The following AFG1L variants were observed in gnomAD, a reference collection of about 807,000 sequenced individuals.
AFG1L encodes the protein AFG1 like ATPase.
A neutral mutation model predicts 62.2 loss-of-function variants in AFG1L; 53 were observed. The observed-to-expected ratio is 0.85, with a 90% CI of 0.68 to 1.07. The LOEUF (loss-of-function observed/expected upper bound fraction) is 1.07, where lower values mean the gene tolerates loss of function less well. Ranked by LOEUF, AFG1L falls within the 50% of genes least tolerant of loss-of-function variation. The probability of loss-of-function intolerance (pLI) is 0.00; values close to 1 mark genes in which losing one functional copy is unlikely to be tolerated. For synonymous variants in AFG1L, 228 were observed against 210.3 expected (o/e 1.08, Z -0.73); for missense variants, 555 against 590.5 (o/e 0.94, Z 0.62).
intron 6 of AFG1L, among the ~76,000 whole-genome samples, chr6:108,379,000 C>CTTTTTTT (rs931030207): frequency 4.1e-5 from 5 of 123,070 alleles, no homozygotes; most frequent in African/African-American, 6.5e-5. Context: ...TCTCCTTCTT[C>CTTTTTTT]TTTTTTTTTT....
At chr6:108,411,385 C>T (rs916722395) in intron 7 of AFG1L, among the ~76,000 whole-genome samples, 8 of 152,154 alleles carry the variant, frequency 5.3e-5, no homozygotes, top group African/African-American at 1.9e-4. Flanking sequence ...ATTTAAAAGT[C>T]CCTGTCTGAC....
intron 2 of AFG1L, among the ~76,000 whole-genome samples, chr6:108,334,240 C>T (rs1778389257): frequency 6.6e-6 from 1 of 152,128 alleles, no homozygotes; most frequent in South Asian, 2.1e-4. Flanking sequence ...CTCCTGGCCT[C>T]AAATGATTGC....
chr6:108,520,109 A>G, intron 12 of AFG1L: 1 of 237,700 alleles, frequency 4.2e-6, no homozygotes, highest in East Asian at 1.0e-4. Flanking sequence ...GAATAATGGC[A>G]GGCCAGAGCT....
chr6:108,395,091 A>C (rs1781231516), intron 6 of AFG1L, among the ~76,000 whole-genome samples: 1 of 152,202 alleles, frequency 6.6e-6, no homozygotes. Context: ...ACATTCCTAA[A>C]TAAAATTTTT....
intron 1 of AFG1L, among the ~76,000 whole-genome samples, chr6:108,301,356 G>A (rs1776991660): frequency 6.6e-6 from 1 of 152,188 alleles, no homozygotes; most frequent in Non-Finnish European, 1.5e-5. Flanking sequence ...AGTTGCTCGA[G>A]TTCAAATGCC....
intron 7 of AFG1L, among the ~76,000 whole-genome samples, chr6:108,418,198 C>A (rs981429377): frequency 6.6e-6 from 1 of 152,184 alleles, no homozygotes; most frequent in African/African-American, 2.4e-5. Context: ...TTTAAAGTAG[C>A]CTGTGATAGT....
intron 11 of AFG1L, among the ~76,000 whole-genome samples, chr6:108,519,128 T>C (rs1775023804): frequency 6.6e-6 from 1 of 152,226 alleles, no homozygotes; most frequent in South Asian, 2.1e-4. Flanking sequence ...TGGTGAGGGC[T>C]ACTATCTGCT....
At chr6:108,498,188 T>A (rs1774042090) in intron 10 of AFG1L, among the ~76,000 whole-genome samples, 1 of 152,202 alleles carries the variant, frequency 6.6e-6, no homozygotes. Flanking sequence ...TTGAAAACTG[T>A]GACTTTTGCT....
chr6:108,350,633 T>C (rs1779044622), intron 3 of AFG1L, among the ~76,000 whole-genome samples: 1 of 152,240 alleles, frequency 6.6e-6, no homozygotes, highest in Non-Finnish European at 1.5e-5. Flanking sequence ...TAGTAGTATT[T>C]TGTGACTTCA....
At position 108,324,041 on chromosome 6, in the gene AFG1L, T is replaced by C. The variant is rs1470862683; in HGVS notation, c.356T>C (p.Phe119Ser). The C allele has an allele frequency of 6.2e-7, 1 of 1,607,992 alleles. No homozygotes were observed. Among genetic ancestry groups the C allele is most frequent in the South Asian group, 1.1e-5 (1 of 90,650 alleles). The change falls in exon 2 of 13, where the codon TTT becomes TCT. Residue 119 changes from phenylalanine to serine, a missense_variant. By Grantham distance (155) the Phe-to-Ser change is radical. Coordinates refer to ENST00000368977, the MANE Select transcript of AFG1L (RefSeq NM_145315.5). ...KGYNIEAEGL[F>S]SKLFSRSKPP... The stretch of plus-strand genomic sequence containing the variant: ...TACAATATAGAGGCAGAAGGCCTTT[T>C]TTCAAAGGTGAGGCTTGTGTGATAT...
At chr6:108,323,652 T>A (rs754055590) in intron 1 of AFG1L, among the ~76,000 whole-genome samples, 173 bp from the exon 2 acceptor site, 10 of 152,220 alleles carry the variant, frequency 6.6e-5, no homozygotes, top group Admixed American at 2.0e-4. Flanking sequence ...TGAGCCACCA[T>A]GCCTGGCTGA....
At chr6:108,477,334 T>A (rs767571008) in intron 10 of AFG1L, 42 bp downstream of exon 10, 2 of 1,179,842 alleles carry the variant, frequency 1.7e-6, no homozygotes, top group African/African-American at 3.1e-5. Flanking sequence ...CCTTTTCACA[T>A]GTTAAAATAC....
intron 7 of AFG1L, among the ~76,000 whole-genome samples, chr6:108,422,420 C>T (rs181201236): frequency 7.7e-6 from 1 of 129,564 alleles, no homozygotes; most frequent in Non-Finnish European, 1.6e-5. Context: ...CTTTTTCTGG[C>T]AGTTGAATTA....
In AFG1L at chr6:108,446,051, T is replaced by TAC. The variant is rs67384163; in HGVS notation, c.808-1112_808-1111dup. On this transcript the variant is annotated intron_variant, in intron 7 of 12. Transcript: ENST00000368977. ...AGTATGCCTCTCATCTATGTAGAGA[T>TAC]ACACACACACACACACACACACACA... Among the ~76,000 whole-genome samples the TAC allele has an allele frequency of 6.6e-3, 934 of 141,830 alleles. 6 individuals are homozygous for TAC. The highest frequency in any genetic ancestry group is 0.02 in the African/African-American group (752 of 37,618). 93.0% of individuals were successfully genotyped at this position (141,830 alleles called of 152,430 possible). A position where few individuals can be genotyped will look rare whatever the true frequency, so the allele number is the denominator to read the frequency against.
intron 2 of AFG1L, among the ~76,000 whole-genome samples, chr6:108,339,832 T>C (rs1261077289): frequency 6.6e-6 from 1 of 152,158 alleles, no homozygotes; most frequent in East Asian, 1.9e-4. Context: ...TGATACAGGC[T>C]TGCAATGTGA....
At chr6:108,421,249 C>T (rs1236845200) in intron 7 of AFG1L, among the ~76,000 whole-genome samples, 1 of 152,090 alleles carries the variant, frequency 6.6e-6, no homozygotes. Flanking sequence ...ATATTGAACG[C>T]ATAAATGTGT....
chr6:108,518,855 A>G (rs537096749), intron 11 of AFG1L, among the ~76,000 whole-genome samples: 1 of 152,372 alleles, frequency 6.6e-6, no homozygotes, highest in African/African-American at 2.4e-5. Flanking sequence ...TGGCCTAATT[A>G]GAATAGCAAT....
At chr6:108,404,318 A>G (rs1398218844) in intron 7 of AFG1L, among the ~76,000 whole-genome samples, 4 of 152,212 alleles carry the variant, frequency 2.6e-5, no homozygotes, top group African/African-American at 9.6e-5. Context: ...ATTCATTTTA[A>G]AAAATGTTCT....
chr6:108,326,961 A>G (rs1427691940), intron 2 of AFG1L, among the ~76,000 whole-genome samples: 1 of 152,072 alleles, frequency 6.6e-6, no homozygotes, highest in African/African-American at 2.4e-5. Context: ...AAAAAAAAGA[A>G]TAAGGGCCAG....
Sources: allele counts gnomAD v4.1 joint callset (sites outside exome capture counted in the v4.1 genomes callset), GRCh38; gene constraint gnomAD v4.1.1; transcripts MANE v1.5; gene names NCBI Gene and HGNC (gene_info 2026-07-23, HGNC 2026-07-21).